Variants in PATJ observed in about 807,000 individuals in gnomAD.
PATJ encodes PATJ crumbs cell polarity complex component, also known as inaD-like protein.
In PATJ, 190 loss-of-function variants were observed where a neutral mutation model predicts 224.9. That is an observed-to-expected ratio of 0.84 (90% CI 0.75 to 0.95). PATJ has a LOEUF of 0.95. PATJ is among the 40% of genes least tolerant of loss of function. The pLI is 0.00. For synonymous variants in PATJ, 769 were observed against 820.3 expected, an observed-to-expected ratio of 0.94 and a Z score of 1.07; for missense variants, 2,121 against 2,270.3, an observed-to-expected ratio of 0.93 and a Z score of 1.34.
chr1:61,970,075 TTTTTTTG>T (rs1008316228), intron 27 of PATJ, among the ~76,000 whole-genome samples: 11 of 152,096 alleles, frequency 7.2e-5, no homozygotes, highest in Admixed American at 2.0e-4. Context: ...TTTGTATTTT[TTTTTTTG>T]TTTTTTGTTT....
At chr1:61,924,419 G>A (rs1674809098) in intron 26 of PATJ, among the ~76,000 whole-genome samples, 3 of 152,044 alleles carry the variant, frequency 2.0e-5, no homozygotes, top group Admixed American at 2.0e-4. Flanking sequence ...AAAACTCTTG[G>A]CTATTTTCTA....
In PATJ at chr1:62,064,327, C is replaced by CT. The variant is rs201359731; in HGVS notation, c.4125+13285dup. Among the ~76,000 whole-genome samples, 206 of 135,804 alleles carry CT rather than the reference C, an allele frequency of 1.5e-3. 1 individual carries two copies. Among genetic ancestry groups the CT allele is most frequent in the South Asian group, 0.012 (49 of 4,178 alleles). The allele number at this position is 135,804 out of a possible 152,430, so 89.1% of individuals were successfully genotyped here. A position where few individuals can be genotyped will look rare whatever the true frequency, so the allele number is the denominator to read the frequency against. On this transcript the variant is annotated intron_variant, in intron 31 of 43. Transcript: ENST00000642238. ...TATAAATGGGGTATGAGCCATAATG[C>CT]TTTTTTTTTTTTTTTTAGACCGAGT...
chr1:61,978,940 G>T (rs1644296734), intron 27 of PATJ, among the ~76,000 whole-genome samples: 1 of 152,062 alleles, frequency 6.6e-6, no homozygotes, highest in Non-Finnish European at 1.5e-5. Flanking sequence ...ATCCTATGAT[G>T]ATAGGAAAAC....
intron 22 of PATJ, among the ~76,000 whole-genome samples, chr1:61,886,343 A>G (rs1037219298): frequency 6.6e-6 from 1 of 152,204 alleles, no homozygotes; most frequent in South Asian, 2.1e-4. Context: ...CTCACAGGCT[A>G]TGTTCACATG....
intron 20 of PATJ, among the ~76,000 whole-genome samples, chr1:61,870,374 C>A (rs1396885694): frequency 6.6e-6 from 1 of 152,184 alleles, no homozygotes; most frequent in Non-Finnish European, 1.5e-5. Flanking sequence ...TGACATCCAG[C>A]TGCTTCTTCT....
chr1:62,110,988 C>T (rs1033795059), intron 34 of PATJ, among the ~76,000 whole-genome samples: 2 of 152,220 alleles, frequency 1.3e-5, no homozygotes, highest in Admixed American at 6.5e-5. Flanking sequence ...TGATATTTCT[C>T]TCATGATTAT....
intron 10 of PATJ, among the ~76,000 whole-genome samples, chr1:61,796,528 C>T (rs1651139243): frequency 6.6e-6 from 1 of 152,052 alleles, no homozygotes; most frequent in South Asian, 2.1e-4. Context: ...AGATTAAAGT[C>T]CTTTATATCT....
chr1:61,876,002 G>C (rs556312739), intron 21 of PATJ, among the ~76,000 whole-genome samples: 1 of 152,190 alleles, frequency 6.6e-6, no homozygotes, highest in East Asian at 1.9e-4. Context: ...TGCTTTCATA[G>C]CACTGGGATT....
In PATJ at chr1:61,925,432, G is replaced by A. The variant is rs574478744; in HGVS notation, c.3571-2298G>A. Among the ~76,000 whole-genome samples, 8 of 152,242 alleles carry A rather than the reference G, an allele frequency of 5.3e-5. No homozygotes were observed. In the South Asian group the frequency reaches 8.3e-4, roughly 16 times the overall value. On this transcript the variant is annotated intron_variant, in intron 26 of 43. Coordinates refer to ENST00000642238, the MANE Select transcript of PATJ (RefSeq NM_001350145.3). ...AACTTCATTTATTCCTACTATCAGC[G>A]AGGAATTACAAGTACACATCAGAAC...
chr1:62,158,852 G>A (rs1466738379), intron 43 of PATJ, among the ~76,000 whole-genome samples: 1 of 151,990 alleles, frequency 6.6e-6, no homozygotes, highest in Non-Finnish European at 1.5e-5. Context: ...GGGAGGCTGA[G>A]GCAGGAGAAT....
chr1:62,056,306 A>G (rs1359546565), intron 31 of PATJ, among the ~76,000 whole-genome samples: 1 of 152,190 alleles, frequency 6.6e-6, no homozygotes, highest in Non-Finnish European at 1.5e-5. Context: ...TTATTCACAT[A>G]ACAATAGTAG....
chr1:62,071,243 C>T (rs891838179), intron 31 of PATJ, among the ~76,000 whole-genome samples: 1 of 152,164 alleles, frequency 6.6e-6, no homozygotes, highest in Non-Finnish European at 1.5e-5. Context: ...GTTCTGGGCT[C>T]TGCACTAGTC....
At chr1:61,798,370 A>T (rs920183536) in intron 11 of PATJ, among the ~76,000 whole-genome samples, 13 of 150,838 alleles carry the variant, frequency 8.6e-5, no homozygotes, top group African/African-American at 3.2e-4. Context: ...ATTTATTTTT[A>T]TTTTTTTTGT....
At chr1:62,147,002 G>A (rs1242052234) in intron 41 of PATJ, among the ~76,000 whole-genome samples, 4 of 151,972 alleles carry the variant, frequency 2.6e-5, no homozygotes, top group African/African-American at 7.3e-5. Flanking sequence ...TCCTGGAGAC[G>A]TCCCATAGAT....
Position 62,111,949 on chromosome 1 carries a change from C to G in PATJ, c.4462-2104C>G, listed in dbSNP as rs192307401. Among the ~76,000 whole-genome samples, 530 of 151,552 alleles carry G rather than the reference C, an allele frequency of 3.5e-3. 3 individuals carry two copies. Among genetic ancestry groups the G allele is most frequent in the African/African-American group, 0.012 (507 of 41,368 alleles). ...TGCTGGGATTACAGGCATGAGCCACCGCGCCCAGCCCAAAACCCATGTTCT... is the reference window on the plus strand; with the variant it reads ...TGCTGGGATTACAGGCATGAGCCACGGCGCCCAGCCCAAAACCCATGTTCT... On this transcript the variant is annotated intron_variant, in intron 34 of 43. Transcript: ENST00000642238.
intron 24 of PATJ, among the ~76,000 whole-genome samples, chr1:61,903,811 C>T (rs532260679): frequency 3.9e-4 from 56 of 145,044 alleles, no homozygotes; most frequent in African/African-American, 1.4e-3. Flanking sequence ...CTCTCTCTGT[C>T]ACCCAGGCTG....
rs1570649092 is a variant in PATJ, at chr1:62,111,998, G to A, written c.4462-2055G>A. 1.3e-5 allele frequency among the ~76,000 whole-genome samples: 2 copies of A among 152,076 alleles called. 1 individual carries two copies. Among genetic ancestry groups the A allele is most frequent in the East Asian group, 3.9e-4 (2 of 5,158 alleles). On this transcript the variant is annotated intron_variant, in intron 34 of 43. Transcript: ENST00000642238. ...CTTTACCACTGTTATTCTGGATGTA[G>A]CTCATCTAAGTGAACACACAAGCCA...
intron 14 of PATJ, among the ~76,000 whole-genome samples, chr1:61,814,490 T>C (rs778416479): frequency 4.8e-4 from 73 of 151,586 alleles, no homozygotes; most frequent in Admixed American, 1.1e-3. Flanking sequence ...ATTTATGTAT[T>C]TGCAGTCAGT....
At chr1:62,124,240 G>A (rs1448274095) in intron 39 of PATJ, among the ~76,000 whole-genome samples, 4 of 151,942 alleles carry the variant, frequency 2.6e-5, no homozygotes, top group Non-Finnish European at 5.9e-5. Context: ...ACACCACCAC[G>A]CCCGGCTAAT....
Sources: allele counts gnomAD v4.1 joint callset (sites outside exome capture counted in the v4.1 genomes callset), GRCh38; gene constraint gnomAD v4.1.1; transcripts MANE v1.5; gene names NCBI Gene and HGNC (gene_info 2026-07-23, HGNC 2026-07-21).